The following FBXW4 variants were observed in gnomAD, a reference collection of about 807,000 sequenced individuals.
FBXW4 encodes F-box/WD repeat-containing protein 4.
In FBXW4, 40 loss-of-function variants were observed where a neutral mutation model predicts 61.8. That is an observed-to-expected ratio of 0.65 (90% CI 0.50 to 0.84). The LOEUF (loss-of-function observed/expected upper bound fraction) is 0.84. FBXW4 is among the 40% of genes least tolerant of loss of function. The pLI, the probability that FBXW4 is intolerant of heterozygous loss-of-function variation, is 0.00. For synonymous variants in FBXW4, 311 were observed against 313.8 expected (o/e 0.99, Z 0.10); for missense variants, 672 against 753.8 (o/e 0.89, Z 1.27).
At chr10:101,676,878 T>G (rs1243453547) in intron 1 of FBXW4, among the ~76,000 whole-genome samples, 1 of 152,136 alleles carries the variant, frequency 6.6e-6, no homozygotes, top group African/African-American at 2.4e-5. Context: ...GACATAGATT[T>G]CTTAGGACAC....
At chr10:101,689,848 C>T (rs1324385810) in intron 1 of FBXW4, among the ~76,000 whole-genome samples, 1 of 152,176 alleles carries the variant, frequency 6.6e-6, no homozygotes, top group African/African-American at 2.4e-5. Context: ...GGCCCCCAGC[C>T]TCAAAGAGCT....
At chr10:101,640,768 G>A (rs1033944087) in intron 5 of FBXW4, among the ~76,000 whole-genome samples, 4 of 150,616 alleles carry the variant, frequency 2.7e-5, no homozygotes, top group African/African-American at 7.3e-5. Flanking sequence ...CACCTGCCTC[G>A]GCCTCCCAAA....
intron 5 of FBXW4, among the ~76,000 whole-genome samples, chr10:101,650,380 T>C (rs566294764): frequency 6.6e-6 from 1 of 152,310 alleles, no homozygotes; most frequent in South Asian, 2.1e-4. Flanking sequence ...CAGAGTAGTC[T>C]CTGCAGCTGA....
At chr10:101,648,544 T>C (rs1464441549) in intron 5 of FBXW4, among the ~76,000 whole-genome samples, 3 of 152,154 alleles carry the variant, frequency 2.0e-5, no homozygotes, top group South Asian at 4.2e-4. Context: ...GAGTCAGAAC[T>C]GTACAGCCAA....
At chr10:101,655,875 A>G (rs1400937250) in intron 5 of FBXW4, among the ~76,000 whole-genome samples, 1 of 152,186 alleles carries the variant, frequency 6.6e-6, no homozygotes, top group Non-Finnish European at 1.5e-5. Flanking sequence ...CCTGAAACTC[A>G]AGTTCTGACC....
chr10:101,650,566 A>T (rs1355632688), intron 5 of FBXW4, among the ~76,000 whole-genome samples: 2 of 152,166 alleles, frequency 1.3e-5, no homozygotes, highest in African/African-American at 4.8e-5. Flanking sequence ...GCCCCCCTCA[A>T]GGGGTGGTGG....
At chr10:101,653,352 C>T (rs1490796155) in intron 5 of FBXW4, among the ~76,000 whole-genome samples, 2 of 152,182 alleles carry the variant, frequency 1.3e-5, no homozygotes, top group Non-Finnish European at 2.9e-5. Flanking sequence ...TGGCCCAAAA[C>T]GGTCCAAAGT....
chr10:101,676,477 A>C (rs1323697471), intron 1 of FBXW4, 41 bp from the exon 2 acceptor site: 1 of 1,526,282 alleles, frequency 6.6e-7, no homozygotes, highest in East Asian at 2.3e-5. Context: ...ACTACAACTT[A>C]TTGCCAACCA....
chr10:101,632,211 T>TACACACACACATATTCTCTAC (rs1554927169), intron 5 of FBXW4, among the ~76,000 whole-genome samples: 4 of 150,446 alleles, frequency 2.7e-5, no homozygotes, highest in African/African-American at 9.7e-5. Context: ...ACATATTCTC[T>TACACACACACATATTCTCTAC]ACACACACAC....
chr10:101,687,737 T>C (rs1319234906), intron 1 of FBXW4, among the ~76,000 whole-genome samples: 1 of 152,170 alleles, frequency 6.6e-6, no homozygotes, highest in African/African-American at 2.4e-5. Context: ...AACAAAAGTC[T>C]AGGAACAAAT....
chr10:101,621,296 G>A (rs1347748624), intron 6 of FBXW4, among the ~76,000 whole-genome samples: 4 of 152,228 alleles, frequency 2.6e-5, no homozygotes, highest in African/African-American at 9.7e-5. Context: ...GGAGGCCAAG[G>A]TGGGAGGATC....
rs750729340 is a variant in FBXW4, at chr10:101,611,809, C to T, written c.1443-40G>A. 1 of 1,593,656 alleles carries T rather than the reference C, an allele frequency of 6.3e-7. No homozygotes were observed. Among genetic ancestry groups the T allele is most frequent in the Non-Finnish European group, 8.6e-7 (1 of 1,167,338 alleles). Reference sequence around the variant, plus strand: ...GAGAAGCAGAGGGAGGTTTAGGGTACCCTCCACCTCTACCCCAGCTTTCTT... The same window carrying T: ...GAGAAGCAGAGGGAGGTTTAGGGTATCCTCCACCTCTACCCCAGCTTTCTT... On this transcript the variant is annotated intron_variant, in intron 7 of 8. Coordinates refer to ENST00000331272, the MANE Select transcript of FBXW4 (RefSeq NM_022039.4). This position sits in a 1 kb window ranked among gnomAD's most constrained non-coding sequence, Gnocchi z 4.9.
intron 5 of FBXW4, among the ~76,000 whole-genome samples, chr10:101,642,992 C>T (rs1355498843): frequency 6.6e-6 from 1 of 152,204 alleles, no homozygotes; most frequent in Non-Finnish European, 1.5e-5. Flanking sequence ...CTGCCATCCT[C>T]CCCAAATAAT....
chr10:101,642,926 A>G (rs148443249), intron 5 of FBXW4, among the ~76,000 whole-genome samples: 1,523 of 152,292 alleles, frequency 0.01, 19 homozygotes, highest in Admixed American at 0.047. Context: ...GCACATACAT[A>G]CATACCTGTA....
chr10:101,644,066 C>A (rs2064076549), intron 5 of FBXW4, among the ~76,000 whole-genome samples: 1 of 152,196 alleles, frequency 6.6e-6, no homozygotes, highest in South Asian at 2.1e-4. Context: ...CCACAGGGGG[C>A]CTTTGTTCCC....
intron 6 of FBXW4, among the ~76,000 whole-genome samples, chr10:101,621,143 C>T (rs1245280226): frequency 6.6e-6 from 1 of 152,166 alleles, no homozygotes; most frequent in African/African-American, 2.4e-5. Flanking sequence ...TGACCCACAG[C>T]CCATTGTCAA....
intron 5 of FBXW4, chr10:101,659,312 C>T: frequency 8.1e-6 from 7 of 866,418 alleles, no homozygotes; most frequent in Non-Finnish European, 9.7e-6. Context: ...CCATCTTGAA[C>T]CCTGCAGATA....
rs60568785 is a variant in FBXW4, at chr10:101,654,119, T to TAAAAA, written c.1235+13762_1235+13766dup. 8.6e-3 allele frequency among the ~76,000 whole-genome samples: 1,010 copies of TAAAAA among 118,094 alleles called. 26 individuals are homozygous for TAAAAA. The highest frequency in any genetic ancestry group is 0.027 in the Middle Eastern group (6 of 222). The allele number at this position is 118,094 out of a possible 152,430, so 77.5% of individuals were successfully genotyped here. A position where few individuals can be genotyped will look rare whatever the true frequency, so the allele number is the denominator to read the frequency against. ...CCGGCGACAGAGCGAGACTCCGTCT[T>TAAAAA]AAAAAAAAAAAAAAAAAAAATCCAA... On this transcript the variant is annotated intron_variant, in intron 5 of 8. Transcript: ENST00000331272.
chr10:101,678,022 C>G (rs2064433174), intron 1 of FBXW4, among the ~76,000 whole-genome samples: 1 of 151,892 alleles, frequency 6.6e-6, no homozygotes, highest in African/African-American at 2.4e-5. Flanking sequence ...ATTGTAGAAC[C>G]TAGGTGGTGC....
Sources: gnomAD v4.1 joint callset for allele counts (sites outside exome capture counted in the v4.1 genomes callset) on GRCh38, gnomAD v4.1.1 for gene constraint, Gnocchi (gnomAD v3.1) non-coding constraint, MANE v1.5 for transcripts, NCBI Gene and HGNC (gene_info 2026-07-23, HGNC 2026-07-21) for gene names.